The following GRID2 variants were observed in gnomAD, a reference collection of about 807,000 sequenced individuals.
GRID2 encodes the protein glutamate receptor ionotropic, delta-2.
In GRID2, 33 loss-of-function variants were observed where a neutral mutation model predicts 114.8. The observed-to-expected ratio is 0.29, with a 90% CI of 0.22 to 0.38. The LOEUF (loss-of-function observed/expected upper bound fraction) is 0.38. GRID2 is among the 10% of genes least tolerant of loss of function. The pLI is 1.00. For missense variants in GRID2, 1,184 were observed against 1,257.7 expected (o/e 0.94, Z 0.89); for synonymous variants, 505 against 449.9 (o/e 1.12, Z -1.55).
intron 1 of GRID2, among the ~76,000 whole-genome samples, chr4:92,310,245 A>G (rs1243161196): frequency 6.6e-6 from 1 of 152,050 alleles, no homozygotes; most frequent in Non-Finnish European, 1.5e-5. Context: ...AAAAGGCACT[A>G]TCTTCCTTCT....
intron 1 of GRID2, among the ~76,000 whole-genome samples, chr4:92,446,166 C>T (rs901894763): frequency 2.1e-4 from 32 of 152,086 alleles, no homozygotes; most frequent in African/African-American, 5.1e-4. Context: ...AGGATGATCT[C>T]GAACTCCTGA....
intron 2 of GRID2, among the ~76,000 whole-genome samples, chr4:92,951,134 G>A (rs1004106819): frequency 7.9e-5 from 12 of 152,014 alleles, no homozygotes; most frequent in Non-Finnish European, 1.6e-4. Flanking sequence ...TATATTCTAT[G>A]TATGTAGAGA....
intron 14 of GRID2, among the ~76,000 whole-genome samples, chr4:93,726,893 G>A (rs992619981): frequency 1.5e-4 from 23 of 152,266 alleles, no homozygotes; most frequent in Middle Eastern, 6.8e-3. Context: ...GGGCTGAGAC[G>A]ATGGGGTTCT....
chr4:92,896,779 G>A (rs1478978654), intron 2 of GRID2, among the ~76,000 whole-genome samples: 1 of 152,114 alleles, frequency 6.6e-6, no homozygotes, highest in African/African-American at 2.4e-5. Flanking sequence ...GTCTCGCTCT[G>A]TCGCCCAGGC....
At chr4:92,807,327 AAAAT>A (rs1189259853) in intron 2 of GRID2, among the ~76,000 whole-genome samples, 2 of 152,032 alleles carry the variant, frequency 1.3e-5, no homozygotes, top group East Asian at 3.9e-4. Context: ...GGACTCATAA[AAAAT>A]AAAACTACCT....
chr4:93,796,556 T>A (rs1386455707), intron 1 of GRID2, among the ~76,000 whole-genome samples: 1 of 151,990 alleles, frequency 6.6e-6, no homozygotes, highest in African/African-American at 2.4e-5. Flanking sequence ...TGTTTGTTTG[T>A]TTTTTGAGAC....
intron 2 of GRID2, among the ~76,000 whole-genome samples, chr4:92,590,519 A>T (rs941837267): frequency 1.4e-5 from 2 of 142,060 alleles, no homozygotes; most frequent in East Asian, 4.1e-4. Flanking sequence ...ATGAACAAAT[A>T]TTTACATGTA....
intron 12 of GRID2, among the ~76,000 whole-genome samples, chr4:93,498,888 G>A (rs534820479): frequency 4.6e-5 from 7 of 151,892 alleles, no homozygotes; most frequent in South Asian, 4.1e-4. Flanking sequence ...TTGACCGTTA[G>A]GTATGACATT....
chr4:93,136,096 A>G (rs1427726258), intron 4 of GRID2, among the ~76,000 whole-genome samples: 1 of 152,170 alleles, frequency 6.6e-6, no homozygotes, highest in Non-Finnish European at 1.5e-5. Context: ...CCCATTGTAT[A>G]GATAAATAAG....
At chr4:93,090,297 A>G (rs572115018) in intron 3 of GRID2, among the ~76,000 whole-genome samples, 1 of 152,276 alleles carries the variant, frequency 6.6e-6, no homozygotes, top group South Asian at 2.1e-4. Context: ...GAACCACTGA[A>G]GTTTACTTTA....
intron 4 of GRID2, among the ~76,000 whole-genome samples, chr4:93,170,204 C>T (rs1738661698): frequency 6.6e-6 from 1 of 152,114 alleles, no homozygotes; most frequent in South Asian, 2.1e-4. Context: ...CTACCTTAGC[C>T]ACTCAAGTTG....
intron 1 of GRID2, among the ~76,000 whole-genome samples, chr4:92,476,024 T>TTC (rs1491199400): frequency 9.6e-5 from 8 of 83,586 alleles, no homozygotes; most frequent in African/African-American, 3.1e-4. Flanking sequence ...TCAGTGCTTC[T>TTC]TTTTTTTTTT....
chr4:92,493,561 G>T (rs1416923750), intron 1 of GRID2, among the ~76,000 whole-genome samples: 1 of 152,158 alleles, frequency 6.6e-6, no homozygotes, highest in African/African-American at 2.4e-5. Flanking sequence ...GGTGTGTCTT[G>T]CATCCTTGTG....
At chr4:93,592,439 T>C (rs915461185) in intron 13 of GRID2, among the ~76,000 whole-genome samples, 2 of 152,204 alleles carry the variant, frequency 1.3e-5, no homozygotes, top group East Asian at 1.9e-4. Flanking sequence ...TTATAATTTC[T>C]GTTCTTTTAC....
In GRID2 at chr4:92,856,851, T is replaced by C. The variant is rs188416253; in HGVS notation, c.245-228144T>C. 3.8e-3 allele frequency among the ~76,000 whole-genome samples: 584 copies of C among 152,260 alleles called. 2 individuals carry two copies. The highest frequency in any genetic ancestry group is 0.014 in the African/African-American group (565 of 41,548). On this transcript the variant is annotated intron_variant, in intron 2 of 15. Coordinates refer to ENST00000282020, the MANE Select transcript of GRID2 (RefSeq NM_001510.4). ...CACTTCACAGATACCGAACTTTTTT[T>C]AAAAAATTGGAATCTTGTGGCAACC...
intron 12 of GRID2, among the ~76,000 whole-genome samples, chr4:93,496,783 A>G (rs1372342786): frequency 6.6e-6 from 1 of 151,846 alleles, no homozygotes; most frequent in South Asian, 2.1e-4. Flanking sequence ...TACTTACTGA[A>G]TGACATTTTT....
chr4:92,851,920 G>A (rs1743835899), intron 2 of GRID2, among the ~76,000 whole-genome samples: 1 of 151,910 alleles, frequency 6.6e-6, no homozygotes, highest in African/African-American at 2.4e-5. Context: ...AAAGACTCCT[G>A]AGACCACCTA....
chr4:93,167,710 A>T (rs538860616), intron 4 of GRID2, among the ~76,000 whole-genome samples: 2 of 151,844 alleles, frequency 1.3e-5, no homozygotes, highest in Non-Finnish European at 2.9e-5. Flanking sequence ...ATTAATTTAT[A>T]TATGAGTTAT....
At chr4:92,799,321 G>A (rs1740041733) in intron 2 of GRID2, among the ~76,000 whole-genome samples, 1 of 151,970 alleles carries the variant, frequency 6.6e-6, no homozygotes, top group Non-Finnish European at 1.5e-5. Context: ...GATGGGAAGT[G>A]GAGCCCAGGC....
Sources: gnomAD v4.1 joint callset for allele counts (sites outside exome capture counted in the v4.1 genomes callset) on GRCh38, gnomAD v4.1.1 for gene constraint, MANE v1.5 for transcripts, NCBI Gene and HGNC (gene_info 2026-07-23, HGNC 2026-07-21) for gene names.